Variants in USP34 observed in about 807,000 individuals in gnomAD.
The protein encoded by USP34 is ubiquitin carboxyl-terminal hydrolase 34.
USP34 carries 70 observed loss-of-function variants against 460.3 expected under a neutral mutation model. The observed-to-expected ratio is 0.15, with a 90% CI of 0.13 to 0.19. The LOEUF is 0.19. USP34 is among the 10% of genes least tolerant of loss of function. The pLI is 1.00. For missense variants in USP34, 3,985 were observed against 4,236.2 expected (o/e 0.94, Z 1.65); for synonymous variants, 1,647 against 1,405.3 (o/e 1.17, Z -3.85).
chr2:61,295,344 A>G, intron 30 of USP34, 54 bp from the exon 31 acceptor site: 1 of 1,530,454 alleles, frequency 6.5e-7, no homozygotes, highest in Non-Finnish European at 8.7e-7. Flanking sequence ...AACACAAAAA[A>G]GAAAAACTTT....
At chr2:61,291,941 G>A (rs998615338) in intron 33 of USP34, among the ~76,000 whole-genome samples, 2 of 152,138 alleles carry the variant, frequency 1.3e-5, no homozygotes, top group Non-Finnish European at 2.9e-5. Context: ...AATAGGCTAA[G>A]TGAAAGAAAC....
In USP34 at chr2:61,214,663, T is replaced by C; in HGVS notation, c.8079A>G (p.Pro2693=). ...GGAACATCTGACGGAATGAATTGCT[T>C]GGTATAAGGGACACCAGAAGATAAG... ...SAAYLLVSLI[P]SNSFRQMFRS... The change falls in exon 68 of 80, where the codon CCA becomes CCG. Residue 2693 remains proline, a synonymous_variant. Transcript: ENST00000398571. 1 of 1,614,184 alleles carries C rather than the reference T, an allele frequency of 6.2e-7. No individual in the cohort carries two copies. Among genetic ancestry groups the C allele is most frequent in the Non-Finnish European group, 8.5e-7 (1 of 1,180,004 alleles).
chr2:61,236,467 A>C, intron 53 of USP34, 78 bp from the exon 54 acceptor site: 1 of 1,123,178 alleles, frequency 8.9e-7, no homozygotes, highest in Non-Finnish European at 1.2e-6. Context: ...TTAGACAAAA[A>C]GTCTCTTCTA....
At chr2:61,294,065 G>A (rs944747404) in intron 32 of USP34, among the ~76,000 whole-genome samples, 12 of 151,750 alleles carry the variant, frequency 7.9e-5, no homozygotes, top group African/African-American at 2.9e-4. Context: ...TACACTTGAG[G>A]CCAGGCGCGG....
chr2:61,441,788 G>A (rs1490710447), intron 1 of USP34, among the ~76,000 whole-genome samples: 9 of 117,070 alleles, frequency 7.7e-5, no homozygotes, highest in Non-Finnish European at 1.3e-4. Flanking sequence ...GCAACAGAGA[G>A]AGAGACTGCA....
At position 61,344,021 on chromosome 2, in the gene USP34, A is replaced by C. The variant is rs765613621; in HGVS notation, c.2294T>G (p.Val765Gly). Residue 765 changes from valine (V) to glycine (G), a missense_variant, in exon 16 of 80, where the codon GTT (valine) becomes GGT (glycine). This residue lies in a region of USP34 where 716 missense variants were observed against 626.2 expected (regional missense o/e 1.14). Transcript: ENST00000398571. Reference sequence around the variant, plus strand: ...ATCATCTGCACTTAGCATATCATCAACCATATGCCTACAAAACAGAGAAAA... The same window carrying C: ...ATCATCTGCACTTAGCATATCATCACCCATATGCCTACAAAACAGAGAAAA... Reference protein sequence around the residue: ...HHHHHHDGHMVDDMLSADDVS... With the variant: ...HHHHHHDGHMGDDMLSADDVS... 5 of 1,613,584 alleles carry C rather than the reference A, an allele frequency of 3.1e-6. No homozygotes were observed. In the South Asian group the frequency reaches 4.4e-5, roughly 14 times the overall value.
chr2:61,381,366 T>C (rs895739028), intron 6 of USP34, among the ~76,000 whole-genome samples: 3 of 151,964 alleles, frequency 2.0e-5, no homozygotes, highest in Non-Finnish European at 2.9e-5. Flanking sequence ...TAAAACAAAG[T>C]CTTGCTTTGT....
At chr2:61,448,459 C>T (rs376639200) in intron 1 of USP34, among the ~76,000 whole-genome samples, 12 of 151,870 alleles carry the variant, frequency 7.9e-5, no homozygotes, top group African/African-American at 1.5e-4. Context: ...GTCTCAAGGA[C>T]GGGGAAAAAA....
chr2:61,206,809 T>G lies in USP34; in HGVS notation c.8997A>C (p.Ser2999=). The G allele has an allele frequency of 6.2e-7, 1 of 1,613,786 alleles. No homozygotes were observed. Among genetic ancestry groups the G allele is most frequent in the Admixed American group, 1.7e-5 (1 of 59,988 alleles). ...TAGACTTCAAAACCGAAAGAAATAT[T>G]GACAGAAGTTCTACTAAATCTCCAG... ...HVTGDLVELL[S]IFLSVLKSTR... Residue 2999 remains serine, a synonymous_variant, in exon 71 of 80, where the codon TCA becomes TCC. Transcript: ENST00000398571.
At chr2:61,406,485 C>G (rs971582093) in intron 2 of USP34, among the ~76,000 whole-genome samples, 2 of 152,078 alleles carry the variant, frequency 1.3e-5, no homozygotes, top group Admixed American at 6.6e-5. Flanking sequence ...AACAAAATAT[C>G]TTATTAGTAA....
chr2:61,236,264 T>G (rs779080938), intron 54 of USP34, 28 bp from the exon 55 acceptor site: 2 of 1,599,528 alleles, frequency 1.3e-6, no homozygotes, highest in Non-Finnish European at 1.7e-6. Flanking sequence ...TCATTTAAAA[T>G]TCACACGTAA....
chr2:61,435,454 T>TA (rs372905001), intron 1 of USP34, among the ~76,000 whole-genome samples: 513 of 142,406 alleles, frequency 3.6e-3, no homozygotes, highest in South Asian at 8.1e-3. Flanking sequence ...GTTAAAGTAC[T>TA]AAAAAAAAAA....
chr2:61,273,187 G>A (rs7583383), intron 41 of USP34, among the ~76,000 whole-genome samples: 63,869 of 151,882 alleles, frequency 0.42, 14,028 homozygotes, highest in South Asian at 0.7. Context: ...GTAGGAAAAA[G>A]AATCTTCTAA....
chr2:61,221,080 G>T (rs1687569086), intron 66 of USP34, among the ~76,000 whole-genome samples: 1 of 152,164 alleles, frequency 6.6e-6, no homozygotes, highest in African/African-American at 2.4e-5. Context: ...TTTGCTCTCT[G>T]ACCCTTTTGG....
chr2:61,383,376 G>A (rs1258580527), intron 5 of USP34, 40 bp from the exon 6 acceptor site: 1 of 1,410,852 alleles, frequency 7.1e-7, no homozygotes, highest in Non-Finnish European at 9.8e-7. Flanking sequence ...TGCCTAATAT[G>A]TGAAATACAT....
chr2:61,407,976 G>A (rs564336056), intron 2 of USP34, among the ~76,000 whole-genome samples: 10 of 152,170 alleles, frequency 6.6e-5, no homozygotes, highest in South Asian at 2.1e-4. Flanking sequence ...TTAGCCAGGC[G>A]TGGTGGTGGG....
chr2:61,318,189 T>C (rs1320763502), intron 22 of USP34, among the ~76,000 whole-genome samples: 3 of 58,788 alleles, frequency 5.1e-5, no homozygotes, highest in Non-Finnish European at 1.1e-4. Context: ...CAAGCCCATC[T>C]CAAAAAAAAA....
At chr2:61,461,218 C>T (rs1344966215) in intron 1 of USP34, among the ~76,000 whole-genome samples, 1 of 151,460 alleles carries the variant, frequency 6.6e-6, no homozygotes, top group Non-Finnish European at 1.5e-5. Context: ...GGATGAAACC[C>T]TGTCTCTACT....
intron 49 of USP34, among the ~76,000 whole-genome samples, chr2:61,247,014 G>A (rs935345408): frequency 3.9e-5 from 6 of 152,032 alleles, no homozygotes; most frequent in African/African-American, 1.4e-4. Context: ...CCAATGTACT[G>A]GCAGCTTCCA....
Sources: allele counts gnomAD v4.1 joint callset (sites outside exome capture counted in the v4.1 genomes callset), GRCh38; gene constraint gnomAD v4.1.1; regional missense constraint gnomAD v4.1.1; transcripts MANE v1.5; gene names NCBI Gene and HGNC (gene_info 2026-07-23, HGNC 2026-07-21).